Variants in NXPE2 observed in about 807,000 individuals in gnomAD.
The protein encoded by NXPE2 is neurexophilin and PC-esterase domain family member 2, also known as NXPE family member 2.
NXPE2 carries 34 observed loss-of-function variants against 34.4 expected under a neutral mutation model. The observed-to-expected ratio is 0.99, with a 90% CI of 0.75 to 1.31. The LOEUF is 1.31. Among genes scored for constraint, NXPE2 ranks in the 40% most tolerant of loss-of-function variants. The probability of loss-of-function intolerance (pLI) is 0.00; values close to 1 mark genes in which losing one functional copy is unlikely to be tolerated. For missense variants in NXPE2, 649 were observed against 672.5 expected, an observed-to-expected ratio of 0.97 and a Z score of 0.39; for synonymous variants, 235 against 231.3, an observed-to-expected ratio of 1.02 and a Z score of -0.15.
At chr11:114,642,883 G>T in the NXPE2 span, among the ~76,000 whole-genome samples, 1 of 152,052 alleles carries the variant, frequency 6.6e-6, no homozygotes. Flanking sequence ...CTCACCAACA[G>T]TGTAAAATAA....
chr11:114,712,795 AT>A, the NXPE2 span, among the ~76,000 whole-genome samples: 1 of 152,216 alleles, frequency 6.6e-6, no homozygotes, highest in East Asian at 1.9e-4. Context: ...AAAGTGAATT[AT>A]TTCCAAATAA....
chr11:114,540,238 G>A, the NXPE2 span, among the ~76,000 whole-genome samples: 1 of 152,140 alleles, frequency 6.6e-6, no homozygotes, highest in Non-Finnish European at 1.5e-5. Flanking sequence ...ATTACGGTGT[G>A]AGCCACCATG....
upstream of NXPE2, among the ~76,000 whole-genome samples, chr11:114,675,265 A>C (rs1168352605): frequency 6.6e-6 from 1 of 151,722 alleles, no homozygotes; most frequent in Non-Finnish European, 1.5e-5. Flanking sequence ...GAGGATACCC[A>C]CTCTTGCCAT....
chr11:114,661,917 A>G, the NXPE2 span, among the ~76,000 whole-genome samples: 2 of 152,186 alleles, frequency 1.3e-5, no homozygotes, highest in South Asian at 2.1e-4. Context: ...AGGCAATTCA[A>G]TGAAGAAATT....
chr11:114,549,924 C>CA, the NXPE2 span, among the ~76,000 whole-genome samples: 1 of 151,324 alleles, frequency 6.6e-6, no homozygotes, highest in Non-Finnish European at 1.5e-5. Context: ...TGTATATAGA[C>CA]AAAAAATAGA....
chr11:114,639,917 AT>A, the NXPE2 span, among the ~76,000 whole-genome samples: 441 of 111,248 alleles, frequency 4.0e-3, 6 homozygotes, highest in African/African-American at 0.014. Context: ...AAAATATAAT[AT>A]TATATTATAT....
At chr11:114,803,920 G>A in the NXPE2 span, among the ~76,000 whole-genome samples, 1 of 151,990 alleles carries the variant, frequency 6.6e-6, no homozygotes, top group African/African-American at 2.4e-5. Context: ...CATTCATGAG[G>A]GCTCCATCCT....
the NXPE2 span, among the ~76,000 whole-genome samples, chr11:114,627,373 T>A: frequency 6.6e-6 from 1 of 151,892 alleles, no homozygotes; most frequent in Non-Finnish European, 1.5e-5. Flanking sequence ...TTCAACATTC[T>A]TAAAGAGAAG....
chr11:114,698,034 C>T lies in NXPE2; in HGVS notation c.133-11C>T. 1 of 1,464,196 alleles carries T rather than the reference C, an allele frequency of 6.8e-7. No homozygotes were observed. The highest frequency in any genetic ancestry group is 1.8e-4 in the Middle Eastern group (1 of 5,562). 90.7% of individuals were successfully genotyped at this position (1,464,196 alleles called of 1,614,324 possible). ...GCTGATGATATTTTCTTTTCCCTTT[C>T]AATATTTCAGTTCTCGTTCAACTTG... On this transcript the variant is annotated splice_polypyrimidine_tract_variant and intron_variant, in intron 2 of 5. Transcript: ENST00000389586.
chr11:114,505,265 G>T, the NXPE2 span, among the ~76,000 whole-genome samples: 1 of 152,194 alleles, frequency 6.6e-6, no homozygotes, highest in Non-Finnish European at 1.5e-5. Flanking sequence ...GTACCTGAAA[G>T]AAATGGGGAG....
the NXPE2 span, among the ~76,000 whole-genome samples, chr11:114,598,400 TG>T: frequency 7.0e-6 from 1 of 143,674 alleles, no homozygotes; most frequent in Non-Finnish European, 1.5e-5. Context: ...CACTAGGCAG[TG>T]CCCCAGTGGG....
At chr11:114,730,251 A>T in the NXPE2 span, among the ~76,000 whole-genome samples, 1 of 151,748 alleles carries the variant, frequency 6.6e-6, no homozygotes, top group African/African-American at 2.4e-5. Context: ...ATTTTATTCT[A>T]TTGGCCTATG....
chr11:114,777,652 A>G, the NXPE2 span, among the ~76,000 whole-genome samples: 1 of 152,070 alleles, frequency 6.6e-6, no homozygotes, highest in Non-Finnish European at 1.5e-5. Context: ...TTCGAGATCC[A>G]TTTTCCTGGC....
chr11:114,799,861 A>G, the NXPE2 span, among the ~76,000 whole-genome samples: 1 of 145,896 alleles, frequency 6.9e-6, no homozygotes, highest in Middle Eastern at 3.5e-3. Flanking sequence ...CCCTCCCTTC[A>G]TCTCACCCTC....
chr11:114,660,449 G>A, the NXPE2 span, among the ~76,000 whole-genome samples: 35 of 151,958 alleles, frequency 2.3e-4, no homozygotes, highest in African/African-American at 7.7e-4. Context: ...TAAAAGCCTT[G>A]TTCATCATTT....
chr11:114,553,297 G>A, the NXPE2 span, among the ~76,000 whole-genome samples: 200 of 152,254 alleles, frequency 1.3e-3, 1 homozygote, highest in African/African-American at 4.6e-3. Flanking sequence ...GATTCCCTCG[G>A]AGAGTCCCTC....
the NXPE2 span, chr11:114,551,254 T>C: frequency 7.5e-7 from 1 of 1,339,472 alleles, no homozygotes; most frequent in Non-Finnish European, 1.0e-6. Flanking sequence ...GAAGTGAATC[T>C]CTCTGTACTC....
the NXPE2 span, chr11:114,530,648 G>A: frequency 6.2e-7 from 1 of 1,614,134 alleles, no homozygotes; most frequent in Admixed American, 1.7e-5. Flanking sequence ...CCTCCAGTAG[G>A]ATGTCCAGCT....
chr11:114,770,213 A>G, the NXPE2 span, among the ~76,000 whole-genome samples: 2 of 152,232 alleles, frequency 1.3e-5, no homozygotes, highest in Non-Finnish European at 2.9e-5. Flanking sequence ...ATTCTGAGAA[A>G]TGGTGGGTTG....
Sources: gnomAD v4.1 joint callset for allele counts (sites outside exome capture counted in the v4.1 genomes callset) on GRCh38, gnomAD v4.1.1 for gene constraint, MANE v1.5 for transcripts, NCBI Gene and HGNC (gene_info 2026-07-23, HGNC 2026-07-21) for gene names.